ARK2C: variants seen among roughly 807,000 people sequenced by gnomAD.
The protein encoded by ARK2C is E3 ubiquitin-protein ligase ARK2C.
the ARK2C span, among the ~76,000 whole-genome samples, chr18:46,426,444 T>TA: frequency 6.6e-6 from 1 of 152,168 alleles, no homozygotes; most frequent in South Asian, 2.1e-4. Flanking sequence ...TCCCCAGGCA[T>TA]TTGTGGGTCA....
At chr18:46,394,628 T>C in the ARK2C span, among the ~76,000 whole-genome samples, 1 of 152,238 alleles carries the variant, frequency 6.6e-6, no homozygotes, top group Non-Finnish European at 1.5e-5. Flanking sequence ...CAGTTTCCCC[T>C]GGTTTGAAAT....
the ARK2C span, among the ~76,000 whole-genome samples, chr18:46,444,750 G>C: frequency 2.0e-5 from 3 of 151,986 alleles, no homozygotes; most frequent in Non-Finnish European, 4.4e-5. Flanking sequence ...TGGGATTAGA[G>C]GCATGAGCCA....
At chr18:46,414,390 C>A in the ARK2C span, among the ~76,000 whole-genome samples, 1 of 152,246 alleles carries the variant, frequency 6.6e-6, no homozygotes, top group Non-Finnish European at 1.5e-5. Context: ...CTAACCCCAG[C>A]AGGCCATGGG....
the ARK2C span, among the ~76,000 whole-genome samples, chr18:46,388,824 G>A: frequency 2.6e-5 from 4 of 152,090 alleles, no homozygotes; most frequent in Non-Finnish European, 5.9e-5. Flanking sequence ...TTTGTGGAGA[G>A]GTGGGTGTGG....
chr18:46,386,573 C>CCTACCCAT, the ARK2C span: 1 of 151,384 alleles, frequency 6.6e-6, no homozygotes, highest in Admixed American at 6.6e-5. Flanking sequence ...CATCCATTCA[C>CCTACCCAT]CCACCCATCC....
the ARK2C span, among the ~76,000 whole-genome samples, chr18:46,368,995 G>A: frequency 1.1e-4 from 17 of 152,340 alleles, no homozygotes; most frequent in South Asian, 2.1e-4. Flanking sequence ...TACTTAGATT[G>A]TCTGATGTTA....
chr18:46,435,262 G>A, the ARK2C span: 10 of 1,600,748 alleles, frequency 6.2e-6, no homozygotes, highest in African/African-American at 1.3e-5. Context: ...CCCCTGACAC[G>A]AGGGCTCTCC....
chr18:46,346,766 T>G, the ARK2C span, among the ~76,000 whole-genome samples: 4 of 152,290 alleles, frequency 2.6e-5, no homozygotes, highest in East Asian at 7.7e-4. Context: ...CACACCCCAC[T>G]TCCCCCATGC....
the ARK2C span, among the ~76,000 whole-genome samples, chr18:46,416,718 A>T: frequency 6.6e-6 from 1 of 152,264 alleles, no homozygotes; most frequent in African/African-American, 2.4e-5. Context: ...CAGCTGGGAC[A>T]GATGGGTCTA....
At chr18:46,454,526 C>A in the ARK2C span, among the ~76,000 whole-genome samples, 18 of 152,296 alleles carry the variant, frequency 1.2e-4, no homozygotes, top group East Asian at 3.3e-3. Context: ...ATATAGGGCA[C>A]AGCGAGGCAG....
the ARK2C span, among the ~76,000 whole-genome samples, chr18:46,366,415 TC>T: frequency 1.3e-5 from 2 of 151,268 alleles, no homozygotes; most frequent in East Asian, 3.9e-4. Flanking sequence ...CTCTCCCTTC[TC>T]CGCAAGCCCA....
the ARK2C span, among the ~76,000 whole-genome samples, chr18:46,393,903 T>C: frequency 6.6e-6 from 1 of 152,242 alleles, no homozygotes; most frequent in Admixed American, 6.5e-5. Flanking sequence ...TCCTTCTGAA[T>C]ATTAGTTGAT....
chr18:46,418,330 C>A, the ARK2C span, among the ~76,000 whole-genome samples: 5 of 152,074 alleles, frequency 3.3e-5, no homozygotes, highest in Admixed American at 2.6e-4. Flanking sequence ...GCACTCCAGC[C>A]TGAGTGACAG....
chr18:46,353,618 G>A, the ARK2C span, among the ~76,000 whole-genome samples: 1 of 152,238 alleles, frequency 6.6e-6, no homozygotes, highest in East Asian at 1.9e-4. Flanking sequence ...GTGTGTGGGA[G>A]GACTCTGAAA....
the ARK2C span, among the ~76,000 whole-genome samples, chr18:46,393,829 T>C: frequency 6.6e-6 from 1 of 152,268 alleles, no homozygotes; most frequent in African/African-American, 2.4e-5. Context: ...TGCTGGGCTC[T>C]GGAGTCTGAC....
chr18:46,406,876 C>G, the ARK2C span, among the ~76,000 whole-genome samples: 4 of 152,214 alleles, frequency 2.6e-5, no homozygotes, highest in African/African-American at 4.8e-5. Flanking sequence ...TCTGGCCCCT[C>G]TAGCCCAGAA....
the ARK2C span, among the ~76,000 whole-genome samples, chr18:46,347,827 G>A: frequency 6.6e-6 from 1 of 152,190 alleles, no homozygotes; most frequent in African/African-American, 2.4e-5. Flanking sequence ...ATTACAGCAA[G>A]TCCCCCGGCA....
chr18:46,447,930 T>C, the ARK2C span, among the ~76,000 whole-genome samples: 7 of 138,108 alleles, frequency 5.1e-5, no homozygotes, highest in Non-Finnish European at 9.3e-5. Flanking sequence ...TCCCCTCTCT[T>C]CCCAGCTTCT....
chr18:46,373,248 A>G, the ARK2C span, among the ~76,000 whole-genome samples: 1 of 152,230 alleles, frequency 6.6e-6, no homozygotes, highest in South Asian at 2.1e-4. Flanking sequence ...TTGGACTGGC[A>G]TGGCTAATGC....
Sources: gnomAD v4.1 joint callset for allele counts (sites outside exome capture counted in the v4.1 genomes callset) on GRCh38, gnomAD v4.1.1 for gene constraint, MANE v1.5 for transcripts, NCBI Gene and HGNC (gene_info 2026-07-23, HGNC 2026-07-21) for gene names.